GMNC: variants seen among roughly 807,000 people sequenced by gnomAD.
GMNC encodes geminin coiled-coil domain containing.
GMNC carries 16 observed loss-of-function variants against 33.6 expected under a neutral mutation model. The observed-to-expected ratio is 0.48, with a 90% CI of 0.32 to 0.72. GMNC has a LOEUF of 0.72. Among genes scored for constraint, GMNC ranks in the 30% least tolerant of loss-of-function variants. GMNC has a pLI of 0.03. For synonymous variants in GMNC, 156 were observed against 147.3 expected, an observed-to-expected ratio of 1.06 and a Z score of -0.43; for missense variants, 393 against 388.9, an observed-to-expected ratio of 1.01 and a Z score of -0.09.
the GMNC span, among the ~76,000 whole-genome samples, chr3:190,846,873 C>A: frequency 6.6e-6 from 1 of 152,146 alleles, no homozygotes; most frequent in Non-Finnish European, 1.5e-5. Flanking sequence ...AATATTAGGT[C>A]GCTTTCGTCC....
At chr3:190,860,900 T>C (rs1270242975) in intron 1 of GMNC, 42 bp from the exon 2 acceptor site, 1 of 1,393,298 alleles carries the variant, frequency 7.2e-7, no homozygotes, top group Admixed American at 2.1e-5. Context: ...TCCCAAAAGA[T>C]GGGGTGATGG....
chr3:190,848,780 T>C (rs1165148001), downstream of GMNC, among the ~76,000 whole-genome samples: 1 of 152,226 alleles, frequency 6.6e-6, no homozygotes, highest in Admixed American at 6.5e-5. Context: ...ATTACCTCCA[T>C]TTTAGATGTG....
At chr3:190,857,504 T>C (rs1048191559) in intron 4 of GMNC, among the ~76,000 whole-genome samples, 28 of 152,148 alleles carry the variant, frequency 1.8e-4, no homozygotes, top group Non-Finnish European at 7.4e-5. Flanking sequence ...TTCTGCCTTT[T>C]GATTAACACT....
At chr3:190,851,102 T>C (rs1015140047), downstream of GMNC, among the ~76,000 whole-genome samples, 7 of 152,328 alleles carry the variant, frequency 4.6e-5, no homozygotes, top group African/African-American at 1.7e-4. Flanking sequence ...TTGATATTAA[T>C]CCTTCCCTGA....
downstream of GMNC, among the ~76,000 whole-genome samples, chr3:190,852,436 AC>A (rs1375227753): frequency 6.6e-6 from 1 of 152,122 alleles, no homozygotes; most frequent in Non-Finnish European, 1.5e-5. Context: ...CTTAGCAACA[AC>A]CTTTTTTTCC....
the GMNC span, among the ~76,000 whole-genome samples, chr3:190,844,529 G>A: frequency 6.6e-6 from 1 of 151,140 alleles, no homozygotes; most frequent in Admixed American, 6.6e-5. Flanking sequence ...TGTTATCAAG[G>A]AAAAATATGT....
At position 190,862,526 on chromosome 3, in the gene GMNC, G is replaced by A; in HGVS notation, c.3+87C>T. ...GGTAGCGGAGAAATCTTGCTCCGAA[G>A]GTGGAATAAATTCTAAATGCAAAGC... On this transcript the variant is annotated intron_variant, in intron 1 of 4. Transcript: ENST00000442080. The surrounding 1 kb of genome is among the most constrained non-coding windows in gnomAD (Gnocchi z 4.5). The A allele has an allele frequency of 9.9e-7, 1 of 1,014,014 alleles. No homozygotes were observed. The highest frequency in any genetic ancestry group is 1.5e-6 in the Non-Finnish European group (1 of 655,652). The allele number at this position is 1,014,014 out of a possible 1,614,324, so 62.8% of individuals were successfully genotyped here. A position where few individuals can be genotyped will look rare whatever the true frequency, so the allele number is the denominator to read the frequency against.
chr3:190,860,622 C>T (rs999645976), intron 2 of GMNC, 62 bp downstream of exon 2: 257 of 1,414,300 alleles, frequency 1.8e-4, no homozygotes, highest in Admixed American at 1.5e-3. Flanking sequence ...CATGATGCTC[C>T]GCAGCCACGG....
At chr3:190,851,725 A>C (rs750741317), downstream of GMNC, among the ~76,000 whole-genome samples, 18 of 152,126 alleles carry the variant, frequency 1.2e-4, no homozygotes, top group Non-Finnish European at 2.2e-4. Context: ...TTACAGAATA[A>C]ATGGGTACAG....
At chr3:190,846,675 C>T in the GMNC span, among the ~76,000 whole-genome samples, 1 of 152,124 alleles carries the variant, frequency 6.6e-6, no homozygotes, top group African/African-American at 2.4e-5. Context: ...CACTCCAGTT[C>T]ATCTCAAAAA....
At chr3:190,859,444 G>T (rs1017416716) in intron 2 of GMNC, among the ~76,000 whole-genome samples, 5 of 151,976 alleles carry the variant, frequency 3.3e-5, no homozygotes, top group African/African-American at 1.2e-4. Flanking sequence ...GTACTGTTTG[G>T]CTCTATAATT....
downstream of GMNC, among the ~76,000 whole-genome samples, chr3:190,849,865 AAAGGGAGT>A (rs963234189): frequency 3.9e-5 from 6 of 152,232 alleles, no homozygotes. Context: ...GAATGACAGT[AAAGGGAGT>A]AATGCTATTA....
chr3:190,856,370 T>C (rs1737742175), intron 4 of GMNC, among the ~76,000 whole-genome samples: 1 of 140,978 alleles, frequency 7.1e-6, no homozygotes, highest in East Asian at 2.0e-4. Context: ...TATAAATATT[T>C]AGAAATAGAT....
rs886067979 is a variant in GMNC, at chr3:190,861,630, T to C, written c.4-772A>G. On this transcript the variant is annotated intron_variant, in intron 1 of 4. Transcript: ENST00000442080. This position sits in a 1 kb window ranked among gnomAD's most constrained non-coding sequence, Gnocchi z 5.1. ...GTTCGTTAGCAAAGACAGCAAGCTC[T>C]AGTTCTGTCCATCACTAGGGCTCAG... 3.3e-5 allele frequency among the ~76,000 whole-genome samples: 5 copies of C among 152,190 alleles called. No homozygotes were observed. Among genetic ancestry groups the C allele is most frequent in the African/African-American group, 1.2e-4 (5 of 41,454 alleles).
Position 190,861,495 on chromosome 3 carries a change from TATC to T in GMNC, c.4-640_4-638del, listed in dbSNP as rs1431653266. Reference sequence around the variant, plus strand: ...CTATCTATCTATCTATCTATCTATCTATCTATCTATCTATCTCTGTCCCAGAGA... The same window carrying T: ...CTATCTATCTATCTATCTATCTATCTTATCTATCTATCTCTGTCCCAGAGA... On this transcript the variant is annotated intron_variant, in intron 1 of 4. Coordinates refer to ENST00000442080, the MANE Select transcript of GMNC (RefSeq NM_001146686.3). This position sits in a 1 kb window ranked among gnomAD's most constrained non-coding sequence, Gnocchi z 5.1. 5.9e-5 allele frequency among the ~76,000 whole-genome samples: 9 copies of T among 152,036 alleles called. No individual in the cohort carries two copies. Among genetic ancestry groups the T allele is most frequent in the Non-Finnish European group, 1.0e-4 (7 of 68,012 alleles).
the GMNC span, among the ~76,000 whole-genome samples, chr3:190,844,865 C>A: frequency 0.16 from 24,465 of 151,954 alleles, 2,542 homozygotes; most frequent in African/African-American, 0.3. Flanking sequence ...TGGAGGAATA[C>A]AGAAGAAAAG....
chr3:190,850,613 G>T (rs927549735), downstream of GMNC, among the ~76,000 whole-genome samples: 2 of 152,218 alleles, frequency 1.3e-5, no homozygotes, highest in Non-Finnish European at 2.9e-5. Context: ...TTTGCTGAAA[G>T]TTATTTTTCC....
At chr3:190,845,595 C>T in the GMNC span, among the ~76,000 whole-genome samples, 5 of 149,090 alleles carry the variant, frequency 3.4e-5, no homozygotes, top group African/African-American at 7.5e-5. Context: ...CTGCAACCTC[C>T]GCTTCCCGGG....
chr3:190,860,629 A>G (rs958514390), intron 2 of GMNC, 55 bp downstream of exon 2: 1 of 1,452,018 alleles, frequency 6.9e-7, no homozygotes, highest in Non-Finnish European at 9.3e-7. Context: ...CTCCGCAGCC[A>G]CGGGTATGGA....
Sources: gnomAD v4.1 joint callset for allele counts (sites outside exome capture counted in the v4.1 genomes callset) on GRCh38, gnomAD v4.1.1 for gene constraint, Gnocchi (gnomAD v3.1) non-coding constraint, MANE v1.5 for transcripts, NCBI Gene and HGNC (gene_info 2026-07-23, HGNC 2026-07-21) for gene names.